Variants in TUBD1 observed in about 807,000 individuals in gnomAD.
TUBD1 encodes tubulin delta 1, also known as tubulin delta chain.
A neutral mutation model predicts 51.2 loss-of-function variants in TUBD1; 38 were observed. The observed-to-expected ratio is 0.74, with a 90% CI of 0.57 to 0.97. The LOEUF is 0.97. Among genes scored for constraint, TUBD1 ranks in the 50% least tolerant of loss-of-function variants. The probability of loss-of-function intolerance (pLI) is 0.00; values close to 1 mark genes in which losing one functional copy is unlikely to be tolerated. For synonymous variants in TUBD1, 169 were observed against 178.2 expected, an observed-to-expected ratio of 0.95 and a Z score of 0.41; for missense variants, 489 against 538.4, an observed-to-expected ratio of 0.91 and a Z score of 0.91.
At chr17:59,864,593 C>T (rs932706335) in intron 7 of TUBD1, among the ~76,000 whole-genome samples, 6 of 152,140 alleles carry the variant, frequency 3.9e-5, no homozygotes, top group Admixed American at 6.6e-5. Flanking sequence ...CCTTCACCTC[C>T]TGCCCTTAAG....
intron 6 of TUBD1, among the ~76,000 whole-genome samples, chr17:59,868,199 G>A (rs1441138011): frequency 7.2e-6 from 1 of 139,118 alleles, no homozygotes; most frequent in Non-Finnish European, 1.5e-5. Flanking sequence ...CAGGAGAATC[G>A]TTTGAACCCA....
chr17:59,881,252 G>T, intron 3 of TUBD1, 142 bp from the exon 4 acceptor site: 1 of 658,880 alleles, frequency 1.5e-6, no homozygotes, highest in Non-Finnish European at 2.6e-6. Flanking sequence ...CAGGTACCCT[G>T]ACTGACAAAA....
Position 59,886,119 on chromosome 17 carries a change from C to A in TUBD1, c.284G>T (p.Cys95Phe). ...GTTGTTTCCAGAACCTTGTTTTTGA[C>A]AGAAGCATGCATGTTGACCATATTT... Reference protein sequence around the residue: ...QWKYGQHACFCQKQGSGNNWA... With the variant: ...QWKYGQHACFFQKQGSGNNWA... Residue 95 changes from cysteine to phenylalanine, a missense_variant, in exon 3 of 9, where the codon TGT becomes TTT. By Grantham distance (205) the Cys-to-Phe change is radical. Transcript: ENST00000325752. The A allele has an allele frequency of 6.2e-7, 1 of 1,613,922 alleles. No homozygotes were observed. The highest frequency in any genetic ancestry group is 8.5e-7 in the Non-Finnish European group (1 of 1,180,008).
At chr17:59,875,667 G>A (rs1309240239) in intron 5 of TUBD1, among the ~76,000 whole-genome samples, 1 of 151,800 alleles carries the variant, frequency 6.6e-6, no homozygotes, top group East Asian at 1.9e-4. Flanking sequence ...GGCTGAGGCG[G>A]GAGAATCGCT....
At chr17:59,874,793 G>A in intron 5 of TUBD1, 90 bp from the exon 6 acceptor site, 1 of 1,073,364 alleles carries the variant, frequency 9.3e-7, no homozygotes, top group Non-Finnish European at 1.4e-6. Flanking sequence ...AGGTTTTCTG[G>A]GCCAAATGTT....
chr17:59,868,108 C>CAAAA lies in TUBD1; in HGVS notation c.935-1363_935-1360dup, dbSNP rs35401242. Among the ~76,000 whole-genome samples, 134 of 26,800 alleles carry CAAAA rather than the reference C, an allele frequency of 5.0e-3. 10 individuals are homozygous for CAAAA. The highest frequency in any genetic ancestry group is 0.018 in the African/African-American group (121 of 6,902). The allele number at this position is 26,800 out of a possible 152,430, so 17.6% of individuals were successfully genotyped here. On this transcript the variant is annotated intron_variant, in intron 6 of 8. Coordinates refer to ENST00000325752, the MANE Select transcript of TUBD1 (RefSeq NM_016261.4). ...TGAAACCCCATCTCCACTAAAAATA[C>CAAAA]AAAAAAAAAAAAAAAAAAAAAAAAA...
intron 4 of TUBD1, among the ~76,000 whole-genome samples, chr17:59,879,039 C>G (rs1439190772): frequency 2.0e-5 from 3 of 152,104 alleles, no homozygotes; most frequent in South Asian, 2.1e-4. Context: ...CTTTGGGAGG[C>G]TGAGGTGGGT....
chr17:59,880,619 A>G (rs1467592748), intron 4 of TUBD1, among the ~76,000 whole-genome samples: 1 of 151,786 alleles, frequency 6.6e-6, no homozygotes, highest in East Asian at 1.9e-4. Context: ...GGTTCACGCT[A>G]TACTCCTGCC....
intron 6 of TUBD1, among the ~76,000 whole-genome samples, chr17:59,871,807 T>A (rs1381175136): frequency 2.0e-5 from 3 of 152,088 alleles, no homozygotes; most frequent in Non-Finnish European, 2.9e-5. Flanking sequence ...TCTTTTTTTT[T>A]ATTTTTGAGA....
chr17:59,889,085 G>A (rs1281316588), intron 2 of TUBD1, among the ~76,000 whole-genome samples: 2 of 130,252 alleles, frequency 1.5e-5, no homozygotes, highest in African/African-American at 3.0e-5. Context: ...GCGAGATCTC[G>A]GCTCACTGCA....
At chr17:59,880,606 A>C (rs1213727282) in intron 4 of TUBD1, among the ~76,000 whole-genome samples, 1 of 151,776 alleles carries the variant, frequency 6.6e-6, no homozygotes, top group Non-Finnish European at 1.5e-5. Flanking sequence ...GCTCCGCCTC[A>C]TGGGTTCACG....
In TUBD1 at chr17:59,874,699, G is replaced by C. The variant is rs572710869; in HGVS notation, c.774C>G (p.Asp258Glu). ...GATGGGGAACTAAATGCTCCATTAA[G>C]TCTCCTGTAAAGAAAAAAAAATCTG... ...SFHYRRNPLG[D>E]LMEHLVPHPE... The change falls in exon 6 of 9, where the codon GAC (aspartate) becomes GAG (glutamate). Residue 258 changes from aspartate (D) to glutamate (E), a missense_variant. By Grantham distance (45) the Asp-to-Glu change is conservative. Transcript: ENST00000325752. The C allele has an allele frequency of 6.2e-7, 1 of 1,608,394 alleles. No homozygotes were observed. The highest frequency in any genetic ancestry group is 1.3e-5 in the African/African-American group (1 of 74,530).
At chr17:59,870,157 T>C (rs1208736414) in intron 6 of TUBD1, among the ~76,000 whole-genome samples, 1 of 151,740 alleles carries the variant, frequency 6.6e-6, no homozygotes, top group Non-Finnish European at 1.5e-5. Flanking sequence ...GGTCAGGAGT[T>C]CAAGACCAGC....
intron 3 of TUBD1, among the ~76,000 whole-genome samples, chr17:59,883,213 A>C (rs1015240816): frequency 1.3e-5 from 2 of 151,206 alleles, no homozygotes; most frequent in Admixed American, 1.3e-4. Flanking sequence ...CTTCTGCCTC[A>C]GCCTCCCAAG....
At chr17:59,877,426 C>T (rs148303076) in intron 5 of TUBD1, among the ~76,000 whole-genome samples, 1 of 152,324 alleles carries the variant, frequency 6.6e-6, no homozygotes, top group Non-Finnish European at 1.5e-5. Context: ...AGGGGAGCAA[C>T]AGGATCTGAC....
intron 5 of TUBD1, 67 bp downstream of exon 5, chr17:59,878,032 CAGAA>C (rs2040304615): frequency 8.9e-6 from 11 of 1,240,818 alleles, no homozygotes; most frequent in Non-Finnish European, 1.1e-5. Flanking sequence ...GAGGAGGAGA[CAGAA>C]AGAATAAACT....
At chr17:59,892,554 T>C (rs1387171674) in intron 1 of TUBD1, 143 bp downstream of exon 1, 1 of 152,596 alleles carries the variant, frequency 6.6e-6, no homozygotes, top group African/African-American at 2.4e-5. Flanking sequence ...AGGTTTATTA[T>C]TATCCTCATT....
chr17:59,869,279 GC>G (rs2144466847), intron 6 of TUBD1, among the ~76,000 whole-genome samples: 1 of 150,382 alleles, frequency 6.6e-6, no homozygotes, highest in South Asian at 2.1e-4. Flanking sequence ...TTCAAGACCA[GC>G]CTGGCCAATA....
In TUBD1 at chr17:59,860,012, A is replaced by ATT. The variant is rs750457639; in HGVS notation, c.*308_*309dup. 7.2e-3 allele frequency: 901 copies of ATT among 125,452 alleles called. 25 individuals are homozygous for ATT. Among genetic ancestry groups the ATT allele is most frequent in the African/African-American group, 0.011 (340 of 31,394 alleles). 7.8% of individuals were successfully genotyped at this position (125,452 alleles called of 1,614,324 possible). On this transcript the variant is annotated 3_prime_UTR_variant, in exon 9 of 9. Transcript: ENST00000325752. ...TTTAACAGAATGGAACTTTGAAAACATTTTTTTTTTTTTTTTTTTTTGAGA... is the reference window on the plus strand; with the variant it reads ...TTTAACAGAATGGAACTTTGAAAACATTTTTTTTTTTTTTTTTTTTTTTGAGA...
Sources: gnomAD v4.1 joint callset for allele counts (sites outside exome capture counted in the v4.1 genomes callset) on GRCh38, gnomAD v4.1.1 for gene constraint, MANE v1.5 for transcripts, NCBI Gene and HGNC (gene_info 2026-07-23, HGNC 2026-07-21) for gene names.